Variants in SLC29A3 observed in about 807,000 individuals in gnomAD.
The protein encoded by SLC29A3 is equilibrative nucleoside transporter 3.
SLC29A3 carries 18 observed loss-of-function variants against 25.4 expected under a neutral mutation model. The observed-to-expected ratio is 0.71, with a 90% confidence interval of 0.49 to 1.05. The LOEUF is 1.05. Ranked by LOEUF, SLC29A3 falls within the 50% of genes least tolerant of loss-of-function variation. The pLI, the probability that SLC29A3 is intolerant of heterozygous loss-of-function variation, is 0.00. For missense variants in SLC29A3, 586 were observed against 609.0 expected (o/e 0.96, Z 0.40); for synonymous variants, 258 against 267.1 (o/e 0.97, Z 0.33).
chr10:71,341,830 C>G (rs1218048504), intron 2 of SLC29A3, among the ~76,000 whole-genome samples: 1 of 152,216 alleles, frequency 6.6e-6, no homozygotes, highest in South Asian at 2.1e-4. Context: ...CTTCCAAGCC[C>G]ACTCCAGTTG....
chr10:71,361,466 A>G (rs1847052266), intron 5 of SLC29A3, among the ~76,000 whole-genome samples: 1 of 152,242 alleles, frequency 6.6e-6, no homozygotes, highest in Admixed American at 6.5e-5. Flanking sequence ...CCGGCCTAGA[A>G]TGTTAACAGC....
intron 3 of SLC29A3, among the ~76,000 whole-genome samples, chr10:71,374,936 T>C (rs1224535364): frequency 1.3e-5 from 2 of 152,232 alleles, no homozygotes; most frequent in East Asian, 1.9e-4. Flanking sequence ...CGCTTGCTTC[T>C]TGGGGTCCTG....
intron 2 of SLC29A3, among the ~76,000 whole-genome samples, chr10:71,332,884 C>A (rs1846152948): frequency 6.6e-6 from 1 of 152,212 alleles, no homozygotes; most frequent in Non-Finnish European, 1.5e-5. Context: ...CCTTTGGTGG[C>A]CTCAGCTTCT....
At chr10:71,319,906 T>C (rs1257607098) in intron 1 of SLC29A3, among the ~76,000 whole-genome samples, 2 of 152,202 alleles carry the variant, frequency 1.3e-5, no homozygotes, top group Non-Finnish European at 2.9e-5. Context: ...GGGCTGTCTG[T>C]CTGTGCATGG....
chr10:71,357,430 G>A (rs1408967777), intron 5 of SLC29A3, among the ~76,000 whole-genome samples: 6 of 151,932 alleles, frequency 3.9e-5, no homozygotes, highest in East Asian at 1.9e-4. Context: ...AAAAAAGCTT[G>A]TATAGAGACA....
downstream of SLC29A3, among the ~76,000 whole-genome samples, chr10:71,368,195 A>T (rs1847185045): frequency 6.6e-6 from 1 of 152,126 alleles, no homozygotes; most frequent in Non-Finnish European, 1.5e-5. Context: ...GCACCACTGC[A>T]CCCCAGCCTG....
chr10:71,332,782 A>G (rs1039084516), intron 2 of SLC29A3, among the ~76,000 whole-genome samples: 2 of 152,216 alleles, frequency 1.3e-5, no homozygotes, highest in Non-Finnish European at 2.9e-5. Context: ...CCCAATAAAT[A>G]ATACACCTGT....
intron 2 of SLC29A3, among the ~76,000 whole-genome samples, chr10:71,337,321 G>T (rs1361319007): frequency 6.6e-6 from 1 of 152,250 alleles, no homozygotes; most frequent in East Asian, 1.9e-4. Flanking sequence ...GCTCAGGAAT[G>T]ATCTGGGCTG....
chr10:71,325,784 A>G (rs944984753), intron 2 of SLC29A3, among the ~76,000 whole-genome samples: 1 of 152,142 alleles, frequency 6.6e-6, no homozygotes, highest in African/African-American at 2.4e-5. Flanking sequence ...CTCGAGGCCA[A>G]TTGAGACAGG....
intron 3 of SLC29A3, among the ~76,000 whole-genome samples, chr10:71,349,190 G>T (rs1846678624): frequency 6.6e-6 from 1 of 152,298 alleles, no homozygotes; most frequent in African/African-American, 2.4e-5. Context: ...AAACCCTGAT[G>T]TACCTCTTTG....
chr10:71,337,723 G>A (rs1846289705), intron 2 of SLC29A3, among the ~76,000 whole-genome samples: 1 of 152,224 alleles, frequency 6.6e-6, no homozygotes, highest in Non-Finnish European at 1.5e-5. Context: ...AGAGATAAAC[G>A]GGCTCATTTC....
chr10:71,321,965 A>C (rs1180961947), intron 1 of SLC29A3, among the ~76,000 whole-genome samples: 1 of 152,216 alleles, frequency 6.6e-6, no homozygotes, highest in African/African-American at 2.4e-5. Context: ...GAGGCTACAC[A>C]CCAGCTTCTG....
intron 2 of SLC29A3, among the ~76,000 whole-genome samples, chr10:71,335,381 C>T (rs1296764005): frequency 3.3e-5 from 5 of 152,170 alleles, no homozygotes; most frequent in South Asian, 2.1e-4. Context: ...AGGAGCCAAG[C>T]GAGGGGACAA....
At chr10:71,363,774 A>G (rs991620929), downstream of SLC29A3, among the ~76,000 whole-genome samples, 3 of 145,224 alleles carry the variant, frequency 2.1e-5, no homozygotes, top group Non-Finnish European at 4.5e-5. Context: ...TGCCCAGCCT[A>G]ATTTGAGGAT....
intron 2 of SLC29A3, 49 bp from the exon 3 acceptor site, chr10:71,344,160 A>T: frequency 6.9e-7 from 1 of 1,445,580 alleles, no homozygotes; most frequent in Non-Finnish European, 9.7e-7. Flanking sequence ...GGAACTGCTC[A>T]CCTCCATCCC....
Position 71,373,776 on chromosome 10 carries a change from C to A in SLC29A3, c.*95-1919C>A, listed in dbSNP as rs896301884. Among the ~76,000 whole-genome samples, 3 of 152,158 alleles carry A rather than the reference C, an allele frequency of 2.0e-5. 1 individual carries two copies. Among genetic ancestry groups the A allele is most frequent in the African/African-American group, 7.2e-5 (3 of 41,436 alleles). On this transcript the variant is annotated intron_variant and NMD_transcript_variant, in intron 3 of 4. Coordinates refer to the SLC29A3 transcript ENST00000642772. ...CACTTGAATCCCTTGCCTAAATGGG[C>A]TTGAACCTATAAGGAAGGGCTGGGA...
chr10:71,330,537 G>T (rs978044997), intron 2 of SLC29A3, among the ~76,000 whole-genome samples: 2 of 152,266 alleles, frequency 1.3e-5, no homozygotes, highest in African/African-American at 4.8e-5. Flanking sequence ...GCAACAGAGG[G>T]ACTCTAGTCT....
intron 2 of SLC29A3, among the ~76,000 whole-genome samples, chr10:71,342,526 T>C (rs1430028286): frequency 6.6e-6 from 1 of 152,264 alleles, no homozygotes; most frequent in Non-Finnish European, 1.5e-5. Context: ...TCAGGGAACC[T>C]GAGCCTGCTC....
rs773495153 is a variant in SLC29A3, at chr10:71,362,034, C to G, written c.854C>G (p.Ser285Trp). Residue 285 changes from serine (S) to tryptophan (W), a missense_variant, in exon 6 of 6, where the codon TCG becomes TGG. By Grantham distance (177) the Ser-to-Trp change is radical. Coordinates refer to ENST00000373189, the MANE Select transcript of SLC29A3 (RefSeq NM_018344.6). ...CCCCAGGACTCCCTCAGTGCCCCTTCGGTGGCCTCCAGATTCATTGATTCC... is the reference window on the plus strand; with the variant it reads ...CCCCAGGACTCCCTCAGTGCCCCTTGGGTGGCCTCCAGATTCATTGATTCC... ...ELPQDSLSAPSVASRFIDSHT... is the reference protein window; with the variant it reads ...ELPQDSLSAPWVASRFIDSHT... 1 of 1,614,166 alleles carries G rather than the reference C, an allele frequency of 6.2e-7. No individual in the cohort carries two copies. Among genetic ancestry groups the G allele is most frequent in the Non-Finnish European group, 8.5e-7 (1 of 1,180,018 alleles).
Sources: gnomAD v4.1 joint callset for allele counts (sites outside exome capture counted in the v4.1 genomes callset) on GRCh38, gnomAD v4.1.1 for gene constraint, MANE v1.5 for transcripts, NCBI Gene and HGNC (gene_info 2026-07-23, HGNC 2026-07-21) for gene names.